The following ASIC2 variants were observed in gnomAD, a reference collection of about 807,000 sequenced individuals.
ASIC2 encodes acid sensing ion channel subunit 2.
A neutral mutation model predicts 57.3 loss-of-function variants in ASIC2; 25 were observed. That is an observed-to-expected ratio of 0.44 (90% confidence interval 0.32 to 0.61). The LOEUF is 0.61. Among genes scored for constraint, ASIC2 ranks in the 20% least tolerant of loss-of-function variants. ASIC2 has a pLI of 0.06. For missense variants in ASIC2, 641 were observed against 738.1 expected, an observed-to-expected ratio of 0.87 and a Z score of 1.52; for synonymous variants, 319 against 307.5, an observed-to-expected ratio of 1.04 and a Z score of -0.39.
intron 1 of ASIC2, among the ~76,000 whole-genome samples, chr17:33,396,602 C>T (rs1394847176): frequency 6.6e-6 from 1 of 152,130 alleles, no homozygotes; most frequent in African/African-American, 2.4e-5. Flanking sequence ...TACCTCATTG[C>T]CTCACTTATA....
intron 1 of ASIC2, among the ~76,000 whole-genome samples, chr17:33,817,967 C>CACAACGT (rs1912636658): frequency 3.9e-5 from 6 of 152,104 alleles, no homozygotes; most frequent in African/African-American, 1.4e-4. Context: ...TTCGGGGTAC[C>CACAACGT]ACATTTCTTG....
intron 1 of ASIC2, among the ~76,000 whole-genome samples, chr17:33,869,376 A>C (rs370394646): frequency 6.6e-6 from 1 of 152,252 alleles, no homozygotes; most frequent in East Asian, 1.9e-4. Context: ...TGACCCAGCA[A>C]GTCCGCTTTT....
At chr17:33,980,656 G>GA (rs1209813474) in intron 1 of ASIC2, 2 of 152,294 alleles carry the variant, frequency 1.3e-5, no homozygotes, top group Non-Finnish European at 2.9e-5. Flanking sequence ...GCTGCCTGCA[G>GA]AAAGTTCTCA....
chr17:33,390,946 G>C (rs145816037), intron 1 of ASIC2, among the ~76,000 whole-genome samples: 2,888 of 152,344 alleles, frequency 0.019, 58 homozygotes, highest in South Asian at 0.076. Context: ...AGGAGGAAGA[G>C]ATCACTGGAG....
chr17:33,582,613 T>C (rs1429685818), intron 1 of ASIC2, among the ~76,000 whole-genome samples: 1 of 152,208 alleles, frequency 6.6e-6, no homozygotes, highest in Non-Finnish European at 1.5e-5. Context: ...AACTAAAGGA[T>C]GTACCTCAAG....
chr17:33,061,538 T>C (rs2092020610), intron 3 of ASIC2, among the ~76,000 whole-genome samples: 1 of 152,348 alleles, frequency 6.6e-6, no homozygotes, highest in South Asian at 2.1e-4. Context: ...GATAAGCTTT[T>C]TGATGTGCTG....
intron 1 of ASIC2, among the ~76,000 whole-genome samples, chr17:33,553,927 G>T (rs1386307735): frequency 1.3e-5 from 2 of 152,184 alleles, no homozygotes; most frequent in East Asian, 1.9e-4. Context: ...TCTGCATGAG[G>T]CAGGTAGACG....
chr17:33,258,813 G>A (rs189955010), intron 1 of ASIC2, among the ~76,000 whole-genome samples: 56 of 152,316 alleles, frequency 3.7e-4, no homozygotes, highest in African/African-American at 1.3e-3. Flanking sequence ...TAGAACAAGG[G>A]ATTTGAACCC....
At chr17:33,905,089 G>A (rs1275592632) in intron 1 of ASIC2, among the ~76,000 whole-genome samples, 1 of 138,652 alleles carries the variant, frequency 7.2e-6, no homozygotes, top group African/African-American at 2.7e-5. Context: ...ATACCTAAAT[G>A]TATTAAGTAG....
intron 1 of ASIC2, among the ~76,000 whole-genome samples, chr17:33,223,856 C>A (rs1464273748): frequency 1.3e-5 from 2 of 152,134 alleles, no homozygotes; most frequent in Non-Finnish European, 2.9e-5. Context: ...TACATGGGGC[C>A]GGGATCACAG....
intron 1 of ASIC2, among the ~76,000 whole-genome samples, chr17:33,814,671 G>A (rs913731890): frequency 1.3e-5 from 2 of 152,196 alleles, no homozygotes; most frequent in African/African-American, 4.8e-5. Context: ...GGAACCTATG[G>A]GCTTTATTAG....
At chr17:33,150,200 C>A (rs1382833212) in intron 1 of ASIC2, among the ~76,000 whole-genome samples, 2 of 152,316 alleles carry the variant, frequency 1.3e-5, no homozygotes, top group East Asian at 3.9e-4. Flanking sequence ...TTGGAGGAAC[C>A]TTCATCTAAG....
At position 33,659,820 on chromosome 17, in the gene ASIC2, C is replaced by T. The variant is rs561038562; in HGVS notation, c.555+496158G>A. Reference sequence around the variant, plus strand: ...CCAGGAGGCGAAGCTTGCAGTGAGCCGAGATCGCGCCACTGCACTCCAGCC... The same window carrying T: ...CCAGGAGGCGAAGCTTGCAGTGAGCTGAGATCGCGCCACTGCACTCCAGCC... On this transcript the variant is annotated intron_variant, in intron 1 of 9. Transcript: ENST00000359872. Among the ~76,000 whole-genome samples, 20 of 151,416 alleles carry T rather than the reference C, an allele frequency of 1.3e-4. No individual in the cohort carries two copies. In the South Asian group the frequency reaches 1.7e-3, roughly 13 times the overall value.
chr17:34,111,635 A>G (rs1911278281), intron 1 of ASIC2, among the ~76,000 whole-genome samples: 1 of 152,178 alleles, frequency 6.6e-6, no homozygotes, highest in African/African-American at 2.4e-5. Flanking sequence ...AACAATGGCT[A>G]AGTGACTTAC....
chr17:33,093,451 TG>T (rs2092165589), intron 2 of ASIC2, among the ~76,000 whole-genome samples: 1 of 148,860 alleles, frequency 6.7e-6, no homozygotes, highest in East Asian at 2.0e-4. Flanking sequence ...AGAGAGAGAG[TG>T]CAGAGAGAAA....
chr17:33,064,028 T>A lies in ASIC2; in HGVS notation c.987+24835A>T, dbSNP rs545921576. ...AGCTCCATCAGGTCCTTTAAGGACT[T>A]CTCTGCATTGGTTATTCTAGTTAGC... On this transcript the variant is annotated intron_variant, in intron 3 of 9. Transcript: ENST00000225823. Among the ~76,000 whole-genome samples the A allele has an allele frequency of 3.3e-5, 5 of 152,342 alleles. No individual in the cohort carries two copies. In the East Asian group the frequency reaches 9.6e-4, roughly 29 times the overall value.
chr17:33,233,297 A>G (rs1908174569), intron 1 of ASIC2, among the ~76,000 whole-genome samples: 1 of 151,148 alleles, frequency 6.6e-6, no homozygotes, highest in African/African-American at 2.4e-5. Context: ...TAAATCCCAA[A>G]TCCTCTTTTC....
chr17:33,197,712 CTAAAA>C (rs1325118903), intron 1 of ASIC2, among the ~76,000 whole-genome samples: 17 of 152,230 alleles, frequency 1.1e-4, no homozygotes, highest in African/African-American at 4.1e-4. Context: ...TAAGACACAG[CTAAAA>C]TAGAAGGACA....
At chr17:33,159,180 G>T (rs1291536875) in intron 1 of ASIC2, among the ~76,000 whole-genome samples, 1 of 152,162 alleles carries the variant, frequency 6.6e-6, no homozygotes, top group Non-Finnish European at 1.5e-5. Context: ...GTTGTGGGTT[G>T]TTTGCTTAAC....
Sources: gnomAD v4.1 joint callset for allele counts (sites outside exome capture counted in the v4.1 genomes callset) on GRCh38, gnomAD v4.1.1 for gene constraint, MANE v1.5 for transcripts, NCBI Gene and HGNC (gene_info 2026-07-23, HGNC 2026-07-21) for gene names.